NLRP8: variants seen among roughly 807,000 people sequenced by gnomAD.
NLRP8 encodes NLR family pyrin domain containing 8, also known as NACHT, LRR and PYD domains-containing protein 8.
In NLRP8, 86 loss-of-function variants were observed where a neutral mutation model predicts 88.7. The ratio of observed to expected loss-of-function variants is 0.97; its 90% CI spans 0.81 to 1.16. The LOEUF is 1.16. NLRP8 is among the 50% of genes most tolerant of loss of function. The probability of loss-of-function intolerance (pLI) is 0.00; values close to 1 mark genes in which losing one functional copy is unlikely to be tolerated. For synonymous variants in NLRP8, 504 were observed against 494.6 expected (o/e 1.02, Z -0.25); for missense variants, 1,342 against 1,286.5 (o/e 1.04, Z -0.66).
chr19:55,967,470 A>G (rs1340666203), intron 5 of NLRP8, among the ~76,000 whole-genome samples: 2 of 152,204 alleles, frequency 1.3e-5, no homozygotes, highest in Admixed American at 6.5e-5. Context: ...TGCCTGGCTT[A>G]TTTCACTTAA....
intron 9 of NLRP8, among the ~76,000 whole-genome samples, chr19:55,986,793 C>T (rs557987363): frequency 6.6e-6 from 1 of 152,228 alleles, no homozygotes; most frequent in African/African-American, 2.4e-5. Flanking sequence ...CAGAGCTGGA[C>T]CTGCTCTTGG....
At position 55,988,413 on chromosome 19, in the gene NLRP8, CATATACACA is replaced by C. The variant is rs1175504576; in HGVS notation, c.*501_*509del. 22 of 122,210 alleles carry C rather than the reference CATATACACA, an allele frequency of 1.8e-4. No homozygotes were observed. Among genetic ancestry groups the C allele is most frequent in the African/African-American group, 7.2e-4 (22 of 30,698 alleles). 7.6% of individuals were successfully genotyped at this position (122,210 alleles called of 1,614,324 possible). Reference sequence around the variant, plus strand: ...CTGTCTCAAGAAGAAAAAAAAAATACATATACACATAAATATATATATGTGTGTGTGTAT... The same window carrying C: ...CTGTCTCAAGAAGAAAAAAAAAATACTAAATATATATATGTGTGTGTGTAT... On this transcript the variant is annotated 3_prime_UTR_variant, in exon 10 of 10. Coordinates refer to ENST00000291971, the MANE Select transcript of NLRP8 (RefSeq NM_176811.2).
chr19:55,970,463 T>A, intron 5 of NLRP8, 81 bp from the exon 6 acceptor site: 1 of 1,480,682 alleles, frequency 6.8e-7, no homozygotes. Context: ...GACTGAGACA[T>A]GAGACAGTGG....
At chr19:55,969,120 T>G (rs1979965814) in intron 5 of NLRP8, among the ~76,000 whole-genome samples, 1 of 152,172 alleles carries the variant, frequency 6.6e-6, no homozygotes, top group African/African-American at 2.4e-5. Flanking sequence ...TTTGTTTATA[T>G]TCATAGGTTT....
Position 55,962,106 on chromosome 19 carries a change from C to G in NLRP8, c.2082C>G (p.Asp694Glu), listed in dbSNP as rs1344850089. 5 of 1,614,056 alleles carry G rather than the reference C, an allele frequency of 3.1e-6. No individual in the cohort carries two copies. The African/African-American group carries it at 6.7e-5, about 22-fold the overall frequency. ...ATGGGCTGCATCGTTGGTGGCAAGA[C>G]TTATGCTCTGTGTTTGCAACGAATG... Residue 694 changes from aspartate to glutamate, a missense_variant, in exon 4 of 10, where the codon GAC becomes GAG. By Grantham distance (45) the Asp-to-Glu change is conservative (BLOSUM62 2). Transcript: ENST00000291971.
chr19:55,982,468 CTT>C (rs1451475687), intron 9 of NLRP8, among the ~76,000 whole-genome samples: 1 of 152,190 alleles, frequency 6.6e-6, no homozygotes, highest in Non-Finnish European at 1.5e-5. Context: ...GAAAAAGAAA[CTT>C]AAGTGTAGAA....
chr19:55,958,078 T>C (rs1271154520), intron 3 of NLRP8, among the ~76,000 whole-genome samples: 1 of 152,116 alleles, frequency 6.6e-6, no homozygotes, highest in Non-Finnish European at 1.5e-5. Flanking sequence ...GTCACACATC[T>C]GGTCGAAGCT....
chr19:55,959,585 G>A (rs546695104), intron 3 of NLRP8, among the ~76,000 whole-genome samples: 72 of 152,214 alleles, frequency 4.7e-4, no homozygotes, highest in African/African-American at 1.4e-3. Context: ...TTATCAGCAG[G>A]GATATCACTT....
At chr19:55,949,440 G>T (rs1978995510) in intron 1 of NLRP8, among the ~76,000 whole-genome samples, 1 of 152,060 alleles carries the variant, frequency 6.6e-6, no homozygotes, top group African/African-American at 2.4e-5. Flanking sequence ...GTTTCACCAT[G>T]TTGGCCAGGC....
At chr19:55,971,023 C>T (rs901418011) in intron 6 of NLRP8, among the ~76,000 whole-genome samples, 1 of 152,062 alleles carries the variant, frequency 6.6e-6, no homozygotes, top group African/African-American at 2.4e-5. Flanking sequence ...TGACCCTGCC[C>T]CCGACCCCAC....
At chr19:55,948,792 G>A (rs113277256) in intron 1 of NLRP8, among the ~76,000 whole-genome samples, 4 of 152,208 alleles carry the variant, frequency 2.6e-5, no homozygotes, top group Admixed American at 1.3e-4. Context: ...TGAGGTGAAC[G>A]TTAAATGAAG....
Position 55,966,273 on chromosome 19 carries a change from C to T in NLRP8, c.2274C>T (p.Asn758=). The change falls in exon 5 of 10, where the codon AAC becomes AAT. Residue 758 remains asparagine, a synonymous_variant. Transcript: ENST00000291971. Reference sequence around the variant, plus strand: ...ACTTAATCGGTGTTTTGACGGGGAACCAGCATCTGAGATACTTGGAAATAC... The same window carrying T: ...ACTTAATCGGTGTTTTGACGGGGAATCAGCATCTGAGATACTTGGAAATAC... 1.9e-6 allele frequency: 3 copies of T among 1,614,076 alleles called. No homozygotes were observed. Among genetic ancestry groups the T allele is most frequent in the Non-Finnish European group, 2.5e-6 (3 of 1,179,984 alleles).
chr19:55,973,698 T>C lies in NLRP8; in HGVS notation c.2581T>C (p.Ser861Pro). The change falls in exon 7 of 10, where the codon TCC becomes CCC. Residue 861 changes from serine (S) to proline (P), a missense_variant. Coordinates refer to ENST00000291971, the MANE Select transcript of NLRP8 (RefSeq NM_176811.2). Reference sequence around the variant, plus strand: ...ACAGCTTACTTGTGAAAGCCTTGCCTCCTGTCTCAGGCAGAGTAAGATGCT... The same window carrying C: ...ACAGCTTACTTGTGAAAGCCTTGCCCCCTGTCTCAGGCAGAGTAAGATGCT... The C allele has an allele frequency of 6.2e-7, 1 of 1,613,784 alleles. No homozygotes were observed. The highest frequency in any genetic ancestry group is 1.1e-5 in the South Asian group (1 of 90,978).
Position 55,988,600 on chromosome 19 carries a change from C to T in NLRP8, c.*687C>T, listed in dbSNP as rs560114311. 6.7e-6 allele frequency: 1 copy of T among 149,576 alleles called. No individual in the cohort carries two copies. The highest frequency in any genetic ancestry group is 2.2e-4 in the South Asian group (1 of 4,640). The allele number at this position is 149,576 out of a possible 1,614,324, so 9.3% of individuals were successfully genotyped here. ...AATGTATGAACCTGCTCAATCACCTCATCTTAAAAATAAAATCACTGTCCC... is the reference window on the plus strand; with the variant it reads ...AATGTATGAACCTGCTCAATCACCTTATCTTAAAAATAAAATCACTGTCCC... On this transcript the variant is annotated 3_prime_UTR_variant, in exon 10 of 10. Transcript: ENST00000291971.
intron 1 of NLRP8, among the ~76,000 whole-genome samples, chr19:55,948,791 C>T (rs1476685151): frequency 6.6e-6 from 1 of 151,804 alleles, no homozygotes; most frequent in African/African-American, 2.4e-5. Flanking sequence ...ATGAGGTGAA[C>T]GTTAAATGAA....
chr19:55,973,564 G>C, intron 6 of NLRP8, 88 bp from the exon 7 acceptor site: 1 of 1,257,946 alleles, frequency 7.9e-7, no homozygotes, highest in Non-Finnish European at 1.1e-6. Flanking sequence ...TCTGCATCCA[G>C]AGGGAGAGCC....
intron 1 of NLRP8, 79 bp downstream of exon 1, chr19:55,948,348 C>T: frequency 7.0e-7 from 1 of 1,428,922 alleles, no homozygotes; most frequent in Non-Finnish European, 9.6e-7. Context: ...CCACCCCTAT[C>T]ACTTATTGGC....
Position 55,954,587 on chromosome 19 carries a change from T to A in NLRP8, c.529T>A (p.Phe177Ile). ...GACTTGGCCTGGAAACCAGAGGGAC[T>A]TCTTCTACCAAGGTGTACACAGGCA... Residue 177 changes from phenylalanine (F) to isoleucine (I), a missense_variant, in exon 3 of 10, where the codon TTC (phenylalanine) becomes ATC (isoleucine). Transcript: ENST00000291971. 1.9e-6 allele frequency: 3 copies of A among 1,614,092 alleles called. No individual in the cohort carries two copies. The Middle Eastern group carries it at 5.0e-4, about 266-fold the overall frequency.
chr19:55,962,615 G>T (rs1227687740), intron 4 of NLRP8, among the ~76,000 whole-genome samples: 1 of 152,128 alleles, frequency 6.6e-6, no homozygotes, highest in Non-Finnish European at 1.5e-5. Flanking sequence ...TCAGCCCGGT[G>T]CTGTGGCTCA....
Sources: gnomAD v4.1 joint callset for allele counts (sites outside exome capture counted in the v4.1 genomes callset) on GRCh38, gnomAD v4.1.1 for gene constraint, MANE v1.5 for transcripts, NCBI Gene and HGNC (gene_info 2026-07-23, HGNC 2026-07-21) for gene names.